Variants in NXN observed in about 807,000 individuals in gnomAD.
The protein encoded by NXN is nucleoredoxin, also known as nucleoredoxin 1.
Under a neutral mutation model 48.6 loss-of-function variants are expected in NXN, and 16 were observed. The observed-to-expected ratio is 0.33, with a 90% CI of 0.22 to 0.50. NXN has a LOEUF of 0.50. Ranked by LOEUF, NXN falls within the 20% of genes least tolerant of loss-of-function variation. The probability of loss-of-function intolerance (pLI) is 0.98; values close to 1 mark genes in which losing one functional copy is unlikely to be tolerated. For missense variants in NXN, 492 were observed against 605.5 expected (o/e 0.81, Z 1.97); for synonymous variants, 281 against 269.6 (o/e 1.04, Z -0.41).
intron 1 of NXN, among the ~76,000 whole-genome samples, chr17:841,555 A>G (rs200764172): frequency 1.7e-4 from 19 of 113,860 alleles, no homozygotes; most frequent in East Asian, 1.4e-3. Flanking sequence ...GCCGGCGAGC[A>G]GGTCCCCCCT....
At chr17:888,776 GAA>G (rs2068376315) in intron 1 of NXN, among the ~76,000 whole-genome samples, 1 of 151,492 alleles carries the variant, frequency 6.6e-6, no homozygotes, top group African/African-American at 2.4e-5. Flanking sequence ...CCAACATGGA[GAA>G]ACCCCGTCTC....
chr17:894,921 C>T lies in NXN; in HGVS notation c.361-68843G>A, dbSNP rs182674496. Among the ~76,000 whole-genome samples, 413 of 151,964 alleles carry T rather than the reference C, an allele frequency of 2.7e-3. 4 individuals carry two copies. Among genetic ancestry groups the T allele is most frequent in the African/African-American group, 8.9e-3 (367 of 41,428 alleles). On this transcript the variant is annotated intron_variant, in intron 1 of 7. Transcript: ENST00000336868. ...TGGGCACACCCAGGTCCCCGCTGGC[C>T]GCCTTCATGATTCCCTGAAATCCTG...
At chr17:873,235 GCCTGTAAT>G (rs1196325407) in intron 1 of NXN, among the ~76,000 whole-genome samples, 2 of 151,976 alleles carry the variant, frequency 1.3e-5, no homozygotes, top group Non-Finnish European at 2.9e-5. Flanking sequence ...GGTGGCTCAC[GCCTGTAAT>G]CCCAGCACTG....
chr17:872,706 T>C (rs575164689), intron 1 of NXN, among the ~76,000 whole-genome samples: 1 of 146,764 alleles, frequency 6.8e-6, no homozygotes, highest in East Asian at 2.1e-4. Flanking sequence ...CTGCAACCTC[T>C]GCCTCCTGGC....
intron 1 of NXN, among the ~76,000 whole-genome samples, chr17:827,601 T>C (rs112234572): frequency 0.044 from 6,668 of 152,252 alleles, 173 homozygotes; most frequent in African/African-American, 0.068. Context: ...CCAGCCTGGG[T>C]GACAGAGTGA....
intron 1 of NXN, among the ~76,000 whole-genome samples, chr17:913,705 A>G (rs1258639086): frequency 1.3e-5 from 2 of 152,034 alleles, no homozygotes; most frequent in East Asian, 3.9e-4. Context: ...CCCTTCTCAG[A>G]TGACTTTTCT....
rs1360510281 is a variant in NXN at position 800,765 on chromosome 17, G to A, written c.*184C>T. The A allele has an allele frequency of 4.9e-6, 2 of 410,530 alleles. No homozygotes were observed. The highest frequency in any genetic ancestry group is 8.5e-6 in the Non-Finnish European group (2 of 234,604). 25.4% of individuals were successfully genotyped at this position (410,530 alleles called of 1,614,324 possible). A position where few individuals can be genotyped will look rare whatever the true frequency, so the allele number is the denominator to read the frequency against. On this transcript the variant is annotated 3_prime_UTR_variant, in exon 8 of 8. Coordinates refer to ENST00000336868, the MANE Select transcript of NXN (RefSeq NM_022463.5). ...GTCTCCAAACACGGTGGACTCTGCC[G>A]CTGCTGATTCCACACCCCAGGGTGC... is the stretch of plus-strand genomic sequence containing the variant.
chr17:934,124 A>G (rs1165405688), intron 1 of NXN, among the ~76,000 whole-genome samples: 7 of 152,172 alleles, frequency 4.6e-5, no homozygotes, highest in Non-Finnish European at 7.3e-5. Flanking sequence ...TAAGAAGGCC[A>G]GGCGCCGTGG....
chr17:896,858 C>A (rs1191783325), intron 1 of NXN: 4 of 536,114 alleles, frequency 7.5e-6, no homozygotes, highest in South Asian at 1.7e-5. Context: ...GTCCTGACCA[C>A]CCGCCCCCGG....
rs1175878864 is a variant in NXN at position 844,102 on chromosome 17, G to A, written c.361-18024C>T. On this transcript the variant is annotated intron_variant, in intron 1 of 7. Transcript: ENST00000336868. The stretch of plus-strand genomic sequence containing the variant: ...GGCGGTGGAGACCAGGCCATTCTAC[G>A]TGCCGTCCTGCCTCTCCTTAACTGG... Among the ~76,000 whole-genome samples the A allele has an allele frequency of 5.5e-5, 8 of 145,700 alleles. No homozygotes were observed. In the East Asian group the frequency reaches 1.3e-3, roughly 23 times the overall value.
At chr17:965,574 C>G (rs1032467294) in intron 1 of NXN, among the ~76,000 whole-genome samples, 1 of 152,148 alleles carries the variant, frequency 6.6e-6, no homozygotes, top group Non-Finnish European at 1.5e-5. Flanking sequence ...AGTTTGGAAT[C>G]GGCTGGATTT....
chr17:955,864 T>C (rs1281173538), intron 1 of NXN, among the ~76,000 whole-genome samples: 1 of 149,618 alleles, frequency 6.7e-6, no homozygotes, highest in African/African-American at 2.5e-5. Context: ...ATTGTGCCAC[T>C]GCACTCCAGC....
intron 1 of NXN, among the ~76,000 whole-genome samples, chr17:905,875 GT>G (rs2068576972): frequency 6.6e-6 from 1 of 151,706 alleles, no homozygotes; most frequent in African/African-American, 2.4e-5. Context: ...TACTCAGGAG[GT>G]TGGGGTGGGA....
At chr17:824,603 C>G (rs1448392424) in intron 2 of NXN, among the ~76,000 whole-genome samples, 5 of 152,202 alleles carry the variant, frequency 3.3e-5, no homozygotes, top group Admixed American at 2.0e-4. Flanking sequence ...TAAAATACCA[C>G]GCTCCTGGGC....
At chr17:805,871 C>T (rs933920745) in intron 5 of NXN, among the ~76,000 whole-genome samples, 5 of 152,010 alleles carry the variant, frequency 3.3e-5, no homozygotes, top group Non-Finnish European at 5.9e-5. Context: ...GAACTTAGCA[C>T]AGGGTCATGG....
chr17:804,319 G>A (rs1004904278), intron 6 of NXN, among the ~76,000 whole-genome samples: 2 of 120,506 alleles, frequency 1.7e-5, no homozygotes, highest in African/African-American at 6.6e-5. Flanking sequence ...GTCTCGCTCT[G>A]TTGCCCAGGC....
rs776157249 is a variant in NXN at position 979,304 on chromosome 17, G to A, written c.360+15C>T. The A allele has an allele frequency of 4.6e-5, 69 of 1,492,484 alleles. No homozygotes were observed. The highest frequency in any genetic ancestry group is 5.7e-5 in the Non-Finnish European group (64 of 1,123,150). 92.5% of individuals were successfully genotyped at this position (1,492,484 alleles called of 1,614,324 possible). The stretch of plus-strand genomic sequence containing the variant: ...TGGGGGGCGGGCAGGGGCCGGCGAG[G>A]CCCGCGCCGCTCACCTTCCTGTGCT... On this transcript the variant is annotated intron_variant, in intron 1 of 7. Coordinates refer to ENST00000336868, the MANE Select transcript of NXN (RefSeq NM_022463.5).
At chr17:803,363 G>A (rs1911308127) in intron 7 of NXN, among the ~76,000 whole-genome samples, 2 of 152,210 alleles carry the variant, frequency 1.3e-5, no homozygotes, top group Admixed American at 6.5e-5. Flanking sequence ...CAAGGGCCTG[G>A]TTGTGACCCA....
In NXN at chr17:956,634, C is replaced by G. The variant is rs111497459; in HGVS notation, c.360+22685G>C. ...TTCACCGTGTTAGCCAGGATGGTCT[C>G]GATCTCCAGACCTCAGGTGATCCGT... On this transcript the variant is annotated intron_variant, in intron 1 of 7. Transcript: ENST00000336868. This position sits in a 1 kb window ranked among gnomAD's most constrained non-coding sequence, Gnocchi z 4.1. 6.6e-6 allele frequency among the ~76,000 whole-genome samples: 1 copy of G among 152,108 alleles called. No homozygotes were observed. The highest frequency in any genetic ancestry group is 1.5e-5 in the Non-Finnish European group (1 of 68,036).
Sources: allele counts gnomAD v4.1 joint callset (sites outside exome capture counted in the v4.1 genomes callset), GRCh38; gene constraint gnomAD v4.1.1; non-coding constraint Gnocchi (gnomAD v3.1); transcripts MANE v1.5; gene names NCBI Gene and HGNC (gene_info 2026-07-23, HGNC 2026-07-21).